Variants in ULK2 observed in about 807,000 individuals in gnomAD.
ULK2 encodes serine/threonine-protein kinase ULK2.
ULK2 carries 76 observed loss-of-function variants against 127.5 expected under a neutral mutation model. That is an observed-to-expected ratio of 0.60 (90% confidence interval 0.50 to 0.72). The LOEUF (loss-of-function observed/expected upper bound fraction) is 0.72. ULK2 is among the 30% of genes least tolerant of loss of function. The pLI is 0.00. For missense variants in ULK2, 1,144 were observed against 1,295.9 expected, an observed-to-expected ratio of 0.88 and a Z score of 1.80; for synonymous variants, 452 against 461.9, an observed-to-expected ratio of 0.98 and a Z score of 0.28.
At position 19,770,919 on chromosome 17, in the gene ULK2, T is replaced by C. The variant is rs181715951; in HGVS notation, c.*5430A>G. On this transcript the variant is annotated 3_prime_UTR_variant, in exon 27 of 27. Coordinates refer to ENST00000395544, the MANE Select transcript of ULK2 (RefSeq NM_014683.4). ...GGTGGTCTCTGAAATCCATTGCTGT[T>C]GAGCTCCAACTCCAGGCCCCATGGG... 1.4e-4 allele frequency: 21 copies of C among 152,362 alleles called. No homozygotes were observed. Among genetic ancestry groups the C allele is most frequent in the African/African-American group, 4.8e-4 (20 of 41,586 alleles). The allele number at this position is 152,362 out of a possible 1,614,324, so 9.4% of individuals were successfully genotyped here. A position where few individuals can be genotyped will look rare whatever the true frequency, so the allele number is the denominator to read the frequency against.
At position 19,852,324 on chromosome 17, in the gene ULK2, A is replaced by G. The variant is rs187509660; in HGVS notation, c.226-2550T>C. On this transcript the variant is annotated intron_variant, in intron 3 of 26. Transcript: ENST00000395544. The stretch of plus-strand genomic sequence containing the variant: ...ATCACAAGGTCAGGAGATCAAGACC[A>G]TCGTGGCTAACGCGGTGAAACCCCA... Among the ~76,000 whole-genome samples the G allele has an allele frequency of 5.1e-4, 78 of 151,458 alleles. 1 individual carries two copies. The highest frequency in any genetic ancestry group is 3.5e-4 in the Non-Finnish European group (24 of 67,900).
intron 10 of ULK2, among the ~76,000 whole-genome samples, chr17:19,827,083 C>T (rs1312200013): frequency 6.6e-6 from 1 of 152,180 alleles, no homozygotes; most frequent in African/African-American, 2.4e-5. Flanking sequence ...TAACTTCTCC[C>T]TAATAGGTAT....
At chr17:19,796,388 G>C in intron 18 of ULK2, 106 bp from the exon 19 acceptor site, 5 of 1,055,994 alleles carry the variant, frequency 4.7e-6, no homozygotes, top group Non-Finnish European at 6.3e-6. Context: ...GCATGTAGGA[G>C]ATAGGTCGGG....
In ULK2 at chr17:19,845,292, A is replaced by T. The variant is rs2041853751; in HGVS notation, c.543+12T>A. 5.6e-6 allele frequency: 9 copies of T among 1,610,710 alleles called. No homozygotes were observed. The highest frequency in any genetic ancestry group is 7.6e-6 in the Non-Finnish European group (9 of 1,177,448). On this transcript the variant is annotated intron_variant, in intron 7 of 26. Transcript: ENST00000395544. ...ATGCTTTAAACACACAAGGATGCAA[A>T]CACTCACTCACCATGTACATCGGGG...
At chr17:19,864,458 G>C (rs549372590) in intron 3 of ULK2, among the ~76,000 whole-genome samples, 41 of 150,564 alleles carry the variant, frequency 2.7e-4, no homozygotes, top group Admixed American at 3.3e-4. Context: ...CCAAGAGACA[G>C]AGTGAGACTC....
chr17:19,837,209 G>T (rs1597792081), intron 10 of ULK2, among the ~76,000 whole-genome samples: 1 of 152,052 alleles, frequency 6.6e-6, no homozygotes, highest in Non-Finnish European at 1.5e-5. Context: ...CTTGAGCCCA[G>T]GAGTTTGAGA....
intron 25 of ULK2, 45 bp from the exon 26 acceptor site, chr17:19,777,761 A>G: frequency 6.4e-7 from 1 of 1,572,860 alleles, no homozygotes; most frequent in Non-Finnish European, 8.6e-7. Flanking sequence ...TTTTTCCAAG[A>G]AAATACAAAT....
chr17:19,787,079 A>G (rs2087049884), intron 20 of ULK2, among the ~76,000 whole-genome samples: 1 of 151,676 alleles, frequency 6.6e-6, no homozygotes, highest in African/African-American at 2.4e-5. Context: ...GCTCACTGCA[A>G]CCTCTGCCTC....
intron 3 of ULK2, among the ~76,000 whole-genome samples, chr17:19,858,581 C>T (rs191235801): frequency 6.6e-6 from 1 of 152,072 alleles, no homozygotes; most frequent in East Asian, 1.9e-4. Context: ...ATGAACACAA[C>T]CTATGCATCA....
intron 13 of ULK2, 111 bp downstream of exon 13, chr17:19,816,638 G>T: frequency 1.1e-6 from 1 of 924,434 alleles, no homozygotes; most frequent in Non-Finnish European, 1.5e-6. Flanking sequence ...TAAATAAAAT[G>T]CTCATTTGAA....
In ULK2 at chr17:19,780,708, G is replaced by A. The variant is rs1567671632; in HGVS notation, c.2759-79C>T. ...CACAGTTATATGTATCTTTCCTGCT[G>A]ATATATAGGGAAGGTGTCACTATGT... On this transcript the variant is annotated intron_variant, in intron 24 of 26. Coordinates refer to ENST00000395544, the MANE Select transcript of ULK2 (RefSeq NM_014683.4). 4 of 1,405,784 alleles carry A rather than the reference G, an allele frequency of 2.8e-6. No individual in the cohort carries two copies. The South Asian group carries it at 5.8e-5, about 20-fold the overall frequency. 87.1% of individuals were successfully genotyped at this position (1,405,784 alleles called of 1,614,324 possible).
intron 13 of ULK2, among the ~76,000 whole-genome samples, chr17:19,812,860 A>C (rs374027580): frequency 1.3e-5 from 2 of 152,302 alleles, no homozygotes; most frequent in African/African-American, 4.8e-5. Context: ...AAGCAGTTAG[A>C]ATTTTATATC....
chr17:19,776,972 A>C (rs1341898277), intron 26 of ULK2, among the ~76,000 whole-genome samples: 1 of 152,222 alleles, frequency 6.6e-6, no homozygotes, highest in Non-Finnish European at 1.5e-5. Flanking sequence ...TTCATGCATC[A>C]CCTGTAATCC....
At chr17:19,779,095 C>T (rs894184847) in intron 25 of ULK2, among the ~76,000 whole-genome samples, 2 of 152,018 alleles carry the variant, frequency 1.3e-5, no homozygotes, top group African/African-American at 4.8e-5. Flanking sequence ...CTATTTTTGT[C>T]AAGAATTTAT....
At chr17:19,781,414 AT>A (rs1226221614) in intron 23 of ULK2, among the ~76,000 whole-genome samples, 4 of 151,728 alleles carry the variant, frequency 2.6e-5, no homozygotes, top group African/African-American at 9.7e-5. Flanking sequence ...TGCCCGGCTA[AT>A]TTTTGTATTT....
chr17:19,813,761 T>C (rs980798412), intron 13 of ULK2, among the ~76,000 whole-genome samples: 4 of 152,178 alleles, frequency 2.6e-5, no homozygotes, highest in Non-Finnish European at 4.4e-5. Context: ...ATGCTCTTTA[T>C]ATAGAAAAGT....
At chr17:19,794,248 C>G (rs1244935605) in intron 20 of ULK2, among the ~76,000 whole-genome samples, 1 of 152,134 alleles carries the variant, frequency 6.6e-6, no homozygotes, top group Non-Finnish European at 1.5e-5. Context: ...CAGTGCCCAG[C>G]TAGCTCAGTC....
At position 19,816,930 on chromosome 17, in the gene ULK2, AC is replaced by A; in HGVS notation, c.925-11del. 1 of 1,592,200 alleles carries A rather than the reference AC, an allele frequency of 6.3e-7. No homozygotes were observed. Among genetic ancestry groups the A allele is most frequent in the Non-Finnish European group, 8.5e-7 (1 of 1,173,546 alleles). On this transcript the variant is annotated splice_polypyrimidine_tract_variant and intron_variant, in intron 12 of 26. Transcript: ENST00000395544. ...GCATATCTGGAAGGGACTAAAATTAACAACATAAAATTAAAACTGGTCTAAT... is the reference window on the plus strand; with the variant it reads ...GCATATCTGGAAGGGACTAAAATTAAAACATAAAATTAAAACTGGTCTAAT...
At chr17:19,842,791 G>C (rs575326021) in intron 8 of ULK2, among the ~76,000 whole-genome samples, 4 of 152,150 alleles carry the variant, frequency 2.6e-5, no homozygotes, top group African/African-American at 9.6e-5. Context: ...ACCAGCCCCA[G>C]CCCTCATGTG....
Sources: allele counts gnomAD v4.1 joint callset (sites outside exome capture counted in the v4.1 genomes callset), GRCh38; gene constraint gnomAD v4.1.1; transcripts MANE v1.5; gene names NCBI Gene and HGNC (gene_info 2026-07-23, HGNC 2026-07-21).